CLEC2L: variants seen among roughly 807,000 people sequenced by gnomAD.
CLEC2L encodes C-type lectin domain family 2 member L, also known as C-type lectin domain family 2, member L.
In CLEC2L, 14 loss-of-function variants were observed where a neutral mutation model predicts 23.6. The ratio of observed to expected loss-of-function variants is 0.59; its 90% CI spans 0.39 to 0.93. The LOEUF (loss-of-function observed/expected upper bound fraction) is 0.93, where lower values mean the gene tolerates loss of function less well. Ranked by LOEUF, CLEC2L falls within the 40% of genes least tolerant of loss-of-function variation. CLEC2L has a pLI of 0.00. For missense variants in CLEC2L, 264 were observed against 282.4 expected (o/e 0.93, Z 0.47); for synonymous variants, 114 against 121.3 (o/e 0.94, Z 0.40).
intron 1 of CLEC2L, among the ~76,000 whole-genome samples, chr7:139,524,358 C>T (rs927134776): frequency 1.3e-5 from 2 of 152,216 alleles, no homozygotes; most frequent in African/African-American, 4.8e-5. Context: ...GCTGCGACTC[C>T]CTCTCTGACC....
At chr7:139,541,942 A>G (rs1003115695) in intron 3 of CLEC2L, 79 bp from the exon 4 acceptor site, 9 of 935,862 alleles carry the variant, frequency 9.6e-6, no homozygotes, top group Non-Finnish European at 1.5e-5. Context: ...GTATCTTCCA[A>G]GCTGAGGTTT....
Position 139,540,757 on chromosome 7 carries a change from G to A in CLEC2L, c.432+270G>A, listed in dbSNP as rs137988920. On this transcript the variant is annotated intron_variant, in intron 3 of 4. Coordinates refer to ENST00000422142, the MANE Select transcript of CLEC2L (RefSeq NM_001080511.4). This position sits in a 1 kb window ranked among gnomAD's most constrained non-coding sequence, Gnocchi z 5.8. ...GGTCACTTAGTATTATAAACCAGAA[G>A]AATTACACATTATAAAGCTGGTGAT... is the stretch of plus-strand genomic sequence containing the variant. Among the ~76,000 whole-genome samples the A allele has an allele frequency of 1.8e-4, 27 of 152,270 alleles. No homozygotes were observed. The East Asian group carries it at 5.0e-3, about 28-fold the overall frequency.
rs917970034 is a variant in CLEC2L, at chr7:139,544,575, G to A, written c.*233G>A. On this transcript the variant is annotated 3_prime_UTR_variant, in exon 5 of 5. Coordinates refer to ENST00000422142, the MANE Select transcript of CLEC2L (RefSeq NM_001080511.4). ...GCAGTTAAATCCCATATGCTAGGTA[G>A]TGTAGGCATCTGCCCACCTACACAC... 3 of 562,636 alleles carry A rather than the reference G, an allele frequency of 5.3e-6. No homozygotes were observed. Among genetic ancestry groups the A allele is most frequent in the African/African-American group, 3.8e-5 (2 of 53,156 alleles). The allele number at this position is 562,636 out of a possible 1,614,324, so 34.9% of individuals were successfully genotyped here.
At chr7:139,536,976 CAAAAAAAAAAAAA>C (rs1159255018) in intron 2 of CLEC2L, among the ~76,000 whole-genome samples, 3 of 37,312 alleles carry the variant, frequency 8.0e-5, no homozygotes, top group Non-Finnish European at 1.2e-4. Context: ...GACTCCATCT[CAAAAAAAAAAAAA>C]AAAAAAAAAA....
In CLEC2L at chr7:139,536,356, T is replaced by C; in HGVS notation, c.265+8T>C. 1 of 1,550,824 alleles carries C rather than the reference T, an allele frequency of 6.4e-7. No homozygotes were observed. The highest frequency in any genetic ancestry group is 8.7e-7 in the Non-Finnish European group (1 of 1,146,350). The stretch of plus-strand genomic sequence containing the variant: ...TGGTGATGAGCATCTTGGGTGAGCA[T>C]GCGTGTCAGAGCATTTATGCATTCA... On this transcript the variant is annotated splice_region_variant and intron_variant, in intron 2 of 4. Coordinates refer to ENST00000422142, the MANE Select transcript of CLEC2L (RefSeq NM_001080511.4).
intron 1 of CLEC2L, among the ~76,000 whole-genome samples, chr7:139,524,805 G>T (rs1301501531): frequency 1.3e-5 from 2 of 152,184 alleles, no homozygotes; most frequent in Non-Finnish European, 2.9e-5. Context: ...TTGGTGAGAG[G>T]GTGGCTGGCC....
chr7:139,538,461 AAAAAG>A (rs1797690200), intron 2 of CLEC2L, among the ~76,000 whole-genome samples: 1 of 145,866 alleles, frequency 6.9e-6, no homozygotes, highest in African/African-American at 2.6e-5. Flanking sequence ...CAAAAAACAA[AAAAAG>A]GTCCGGGCGT....
In CLEC2L at chr7:139,540,292, G is replaced by GGGGGGCC; in HGVS notation, c.266-29_266-28insGGGGGCC. The GGGGGGCC allele has an allele frequency of 6.5e-6, 6 of 928,684 alleles. No individual in the cohort carries two copies. Among genetic ancestry groups the GGGGGGCC allele is most frequent in the Non-Finnish European group, 9.5e-6 (6 of 628,378 alleles). 57.5% of individuals were successfully genotyped at this position (928,684 alleles called of 1,614,324 possible). On this transcript the variant is annotated intron_variant, in intron 2 of 4. Transcript: ENST00000422142. This position sits in a 1 kb window ranked among gnomAD's most constrained non-coding sequence, Gnocchi z 5.8. ...AGTGGGACTCGGGCTGGGGGGGCGG[G>GGGGGGCC]CAGGGCCGAGCTGGTCTCTTCCCTG...
At chr7:139,536,802 C>T (rs28538939) in intron 2 of CLEC2L, among the ~76,000 whole-genome samples, 4,713 of 151,772 alleles carry the variant, frequency 0.031, 256 homozygotes, top group African/African-American at 0.11. Context: ...TGGTGAAACC[C>T]GGTCTCTACT....
At chr7:139,530,575 G>C (rs1797567313) in intron 1 of CLEC2L, among the ~76,000 whole-genome samples, 1 of 152,178 alleles carries the variant, frequency 6.6e-6, no homozygotes, top group Non-Finnish European at 1.5e-5. Context: ...CACTTTGAGA[G>C]GCCGAGGCTG....
chr7:139,543,931 G>T (rs551166898), intron 4 of CLEC2L, among the ~76,000 whole-genome samples: 3 of 152,312 alleles, frequency 2.0e-5, no homozygotes, highest in Admixed American at 6.5e-5. Flanking sequence ...CCTGAACTGG[G>T]TGCCATGGAG....
Position 139,542,035 on chromosome 7 carries a change from G to C in CLEC2L, c.447G>C (p.Lys149Asn), listed in dbSNP as rs61736118. Residue 149 changes from lysine (K) to asparagine (N), a missense_variant, in exon 4 of 5, where the codon AAG becomes AAC. Physicochemically the swap from Lys to Asn is moderately conservative, Grantham distance 94. Coordinates refer to ENST00000422142, the MANE Select transcript of CLEC2L (RefSeq NM_001080511.4). ...CCTCGGTGCAGGAATTTATGTTCAAGTTCACGCGGAGGGAGCCCTGGATTG... is the reference window on the plus strand; with the variant it reads ...CCTCGGTGCAGGAATTTATGTTCAACTTCACGCGGAGGGAGCCCTGGATTG... Reference protein sequence around the residue: ...QSQKELEFMFKFTRREPWIGL... With the variant: ...QSQKELEFMFNFTRREPWIGL... 1.2e-6 allele frequency: 2 copies of C among 1,612,242 alleles called. No individual in the cohort carries two copies. The highest frequency in any genetic ancestry group is 1.1e-5 in the South Asian group (1 of 90,436).
At position 139,542,023 on chromosome 7, in the gene CLEC2L, AT is replaced by A; in HGVS notation, c.438del (p.Phe146LeufsTer56). On this transcript the variant is annotated frameshift_variant, in exon 4 of 5. Transcript: ENST00000422142. LOFTEE classifies it high-confidence loss of function. ...GTGTCCCTTTTTCCTCGGTGCAGGA[AT>A]TTATGTTCAAGTTCACGCGGAGGGA... ...AVIQSQKELE[F>X]MFKFTRREPW... is the part of the protein sequence containing the mutation. 6.2e-7 allele frequency: 1 copy of A among 1,610,108 alleles called. No homozygotes were observed.
intron 2 of CLEC2L, among the ~76,000 whole-genome samples, chr7:139,537,403 A>G (rs1177667153): frequency 6.6e-6 from 1 of 152,258 alleles, no homozygotes; most frequent in Non-Finnish European, 1.5e-5. Context: ...AGGGGCTTAT[A>G]TACCTTTTTA....
intron 3 of CLEC2L, among the ~76,000 whole-genome samples, chr7:139,541,407 G>C (rs1232297192): frequency 6.6e-6 from 1 of 152,072 alleles, no homozygotes; most frequent in African/African-American, 2.4e-5. Context: ...ATCCAAATCA[G>C]GACACGGTCT....
chr7:139,537,837 A>T (rs183500944), intron 2 of CLEC2L, among the ~76,000 whole-genome samples: 3 of 152,288 alleles, frequency 2.0e-5, no homozygotes, highest in East Asian at 3.9e-4. Flanking sequence ...AGAAACATAG[A>T]GTGTGTGTGG....
At position 139,540,535 on chromosome 7, in the gene CLEC2L, C is replaced by A; in HGVS notation, c.432+48C>A. ...GGTTGGGGGAAGGGACCCTCAGGGC[C>A]CCCAACCTTGACTCTAGGGGACAGC... On this transcript the variant is annotated intron_variant, in intron 3 of 4. Coordinates refer to ENST00000422142, the MANE Select transcript of CLEC2L (RefSeq NM_001080511.4). This position sits in a 1 kb window ranked among gnomAD's most constrained non-coding sequence, Gnocchi z 5.8. 1 of 1,550,848 alleles carries A rather than the reference C, an allele frequency of 6.4e-7. No individual in the cohort carries two copies. The highest frequency in any genetic ancestry group is 8.7e-7 in the Non-Finnish European group (1 of 1,146,840).
chr7:139,536,255 C>T lies in CLEC2L; in HGVS notation c.191-19C>T, dbSNP rs1297800357. 1 of 1,548,814 alleles carries T rather than the reference C, an allele frequency of 6.5e-7. No homozygotes were observed. Among genetic ancestry groups the T allele is most frequent in the African/African-American group, 1.4e-5 (1 of 72,904 alleles). Reference sequence around the variant, plus strand: ...GTGGGATGGGCGGTGGGATGTTGAACCCCTCTCTCTTCTCCTAGACACCAC... The same window carrying T: ...GTGGGATGGGCGGTGGGATGTTGAATCCCTCTCTCTTCTCCTAGACACCAC... On this transcript the variant is annotated intron_variant, in intron 1 of 4. Transcript: ENST00000422142.
chr7:139,533,636 G>C (rs1797611407), intron 1 of CLEC2L, among the ~76,000 whole-genome samples: 1 of 152,210 alleles, frequency 6.6e-6, no homozygotes, highest in South Asian at 2.1e-4. Flanking sequence ...GATTACAGGT[G>C]TGAGCCACTG....
Sources: allele counts gnomAD v4.1 joint callset (sites outside exome capture counted in the v4.1 genomes callset), GRCh38; gene constraint gnomAD v4.1.1; non-coding constraint Gnocchi (gnomAD v3.1); transcripts MANE v1.5; gene names NCBI Gene and HGNC (gene_info 2026-07-23, HGNC 2026-07-21).